The following TTI1 variants were observed in gnomAD, a reference collection of about 807,000 sequenced individuals.
The protein encoded by TTI1 is TELO2-interacting protein 1 homolog.
Under a neutral mutation model 85.4 loss-of-function variants are expected in TTI1, and 52 were observed. The observed-to-expected ratio is 0.61, with a 90% CI of 0.49 to 0.77. TTI1 has a LOEUF of 0.77. TTI1 is among the 30% of genes least tolerant of loss of function. TTI1 has a pLI of 0.00. For missense variants in TTI1, 1,173 were observed against 1,296.0 expected (o/e 0.91, Z 1.46); for synonymous variants, 512 against 503.9 (o/e 1.02, Z -0.22).
chr20:38,001,322 A>T (rs1421872782), intron 4 of TTI1, among the ~76,000 whole-genome samples: 1 of 152,166 alleles, frequency 6.6e-6, no homozygotes, highest in Non-Finnish European at 1.5e-5. Context: ...GAATTAACTT[A>T]CTCAAGGTCA....
chr20:38,030,354 C>T (rs958629612), intron 1 of TTI1, among the ~76,000 whole-genome samples: 2 of 152,020 alleles, frequency 1.3e-5, no homozygotes, highest in East Asian at 1.9e-4. Context: ...CAATTCTGCA[C>T]ATACTCTTCT....
intron 7 of TTI1, among the ~76,000 whole-genome samples, chr20:37,994,611 C>A (rs1407031782): frequency 1.3e-5 from 2 of 152,132 alleles, no homozygotes; most frequent in Non-Finnish European, 2.9e-5. Flanking sequence ...AGGATCAAGA[C>A]TGATTTTTTT....
chr20:38,003,392 A>G (rs2073452971), intron 3 of TTI1, among the ~76,000 whole-genome samples: 1 of 152,270 alleles, frequency 6.6e-6, no homozygotes. Flanking sequence ...GAGGAAGTAC[A>G]GCAAAATATT....
At chr20:38,018,090 T>C (rs1464746506) in intron 1 of TTI1, among the ~76,000 whole-genome samples, 1 of 152,252 alleles carries the variant, frequency 6.6e-6, no homozygotes, top group Non-Finnish European at 1.5e-5. Flanking sequence ...TTTTTAAGCA[T>C]GTGTGGAGGT....
rs1159925988 is a variant in TTI1 at position 38,033,384 on chromosome 20, T to G, written c.-42+20A>C. 1.3e-5 allele frequency: 2 copies of G among 153,770 alleles called. No individual in the cohort carries two copies. The highest frequency in any genetic ancestry group is 3.9e-4 in the East Asian group (2 of 5,166). 9.5% of individuals were successfully genotyped at this position (153,770 alleles called of 1,614,324 possible). A position where few individuals can be genotyped will look rare whatever the true frequency, so the allele number is the denominator to read the frequency against. On this transcript the variant is annotated intron_variant, in intron 1 of 7. Transcript: ENST00000373447. ...TCCCAGCTGCTGGGCTCCCTCTGGT[T>G]CCCGCCACTCTTCCCTTACCTCGTC...
At chr20:38,023,878 A>T (rs192918955) in intron 1 of TTI1, among the ~76,000 whole-genome samples, 1 of 152,322 alleles carries the variant, frequency 6.6e-6, no homozygotes, top group Non-Finnish European at 1.5e-5. Flanking sequence ...TTAACCAGAG[A>T]GGCTAACACT....
chr20:37,996,505 C>T (rs2073340883), intron 6 of TTI1, 43 bp from the exon 7 acceptor site: 1 of 1,604,772 alleles, frequency 6.2e-7, no homozygotes, highest in Admixed American at 1.7e-5. Flanking sequence ...CCTTACACTT[C>T]ATTTGGGACA....
chr20:38,023,942 G>T (rs1203048807), intron 1 of TTI1, among the ~76,000 whole-genome samples: 1 of 152,168 alleles, frequency 6.6e-6, no homozygotes, highest in Non-Finnish European at 1.5e-5. Flanking sequence ...GGGAATCAAG[G>T]AGACTTCCCA....
Position 38,012,610 on chromosome 20 carries a change from A to T in TTI1, c.1207T>A (p.Leu403Met), listed in dbSNP as rs761792123. ...DDQGKFSTLS[L>M]LLGYLKLLGP... ...AAGAGTTTCAGATAACCAAGTAACAAGGAAAGAGTAGAGAATTTGCCCTGG... is the reference window on the plus strand; with the variant it reads ...AAGAGTTTCAGATAACCAAGTAACATGGAAAGAGTAGAGAATTTGCCCTGG... Residue 403 changes from leucine (L) to methionine (M), a missense_variant, in exon 2 of 8, where the codon TTG becomes ATG. By Grantham distance (15) the Leu-to-Met change is conservative (BLOSUM62 2). Coordinates refer to ENST00000373447, the MANE Select transcript of TTI1 (RefSeq NM_001303457.2). The T allele has an allele frequency of 6.2e-7, 1 of 1,614,238 alleles. No individual in the cohort carries two copies. Among genetic ancestry groups the T allele is most frequent in the Non-Finnish European group, 8.5e-7 (1 of 1,180,054 alleles).
rs2073149841 is a variant in TTI1, at chr20:37,983,534, A to C, written c.3192T>G (p.Pro1064=). The change falls in exon 8 of 8, where the codon CCT becomes CCG. Residue 1064 remains proline, a synonymous_variant. Coordinates refer to ENST00000373447, the MANE Select transcript of TTI1 (RefSeq NM_001303457.2). ...GCCCGCTGGCCCCGTGCAGCTGCAC[A>C]GGGTGGAGGCTGGGGTGGGGAGGTG... ...QFTPPHPSLH[P]VQLHGASGQQ... 1.2e-6 allele frequency: 2 copies of C among 1,611,318 alleles called. No homozygotes were observed. The highest frequency in any genetic ancestry group is 1.7e-6 in the Non-Finnish European group (2 of 1,179,252).
At chr20:38,016,538 G>A (rs941531925) in intron 1 of TTI1, among the ~76,000 whole-genome samples, 3 of 152,138 alleles carry the variant, frequency 2.0e-5, no homozygotes, top group Non-Finnish European at 2.9e-5. Context: ...TGACCTCATC[G>A]CTTTCTGCCA....
At chr20:38,030,389 T>A (rs1233066595) in intron 1 of TTI1, among the ~76,000 whole-genome samples, 2 of 151,980 alleles carry the variant, frequency 1.3e-5, no homozygotes. Context: ...CACTTTCCAA[T>A]CCATTTTATA....
In TTI1 at chr20:37,992,156, G is replaced by A. The variant is rs2073273745; in HGVS notation, c.3086+4219C>T. ...GTACACCAGCTGGTCACCACCTGCTGGCACCCTGCATCCCTATCTGGGCTC... is the reference window on the plus strand; with the variant it reads ...GTACACCAGCTGGTCACCACCTGCTAGCACCCTGCATCCCTATCTGGGCTC... On this transcript the variant is annotated intron_variant, in intron 7 of 7. Transcript: ENST00000373447. Among the ~76,000 whole-genome samples the A allele has an allele frequency of 2.0e-5, 3 of 152,326 alleles. No individual in the cohort carries two copies. The South Asian group carries it at 6.2e-4, about 32-fold the overall frequency.
rs772839935 is a variant in TTI1 at position 38,020,310 on chromosome 20, G to GAAAAAA, written c.-41-6459_-41-6454dup. On this transcript the variant is annotated intron_variant, in intron 1 of 7. Coordinates refer to ENST00000373447, the MANE Select transcript of TTI1 (RefSeq NM_001303457.2). ...TGCTATGTCACTTGGCTACTCATAT[G>GAAAAAA]AAAAAAAAAAAAAATATATATATAT... Among the ~76,000 whole-genome samples, 214 of 48,216 alleles carry GAAAAAA rather than the reference G, an allele frequency of 4.4e-3. 9 individuals carry two copies. Among genetic ancestry groups the GAAAAAA allele is most frequent in the South Asian group, 0.011 (10 of 946 alleles). 31.6% of individuals were successfully genotyped at this position (48,216 alleles called of 152,430 possible).
At chr20:38,030,495 A>G (rs989653605) in intron 1 of TTI1, among the ~76,000 whole-genome samples, 1 of 151,322 alleles carries the variant, frequency 6.6e-6, no homozygotes, top group Admixed American at 6.6e-5. Flanking sequence ...CAAAAATCCT[A>G]AAGAAAATAT....
chr20:37,996,928 C>T lies in TTI1; in HGVS notation c.2819G>A (p.Cys940Tyr), dbSNP rs1265428028. 1 of 1,614,056 alleles carries T rather than the reference C, an allele frequency of 6.2e-7. No individual in the cohort carries two copies. The highest frequency in any genetic ancestry group is 8.5e-7 in the Non-Finnish European group (1 of 1,180,002). ...GAACCGGCTGCGAAGAAAGTCACCA[C>T]ACTTGCTTCCCAGGGTACGTAAAAC... ...FKVLRTLGSK[C>Y]GDFLRSRFCK... The change falls in exon 6 of 8, where the codon TGT (cysteine) becomes TAT (tyrosine). Residue 940 changes from cysteine to tyrosine, a missense_variant. Coordinates refer to ENST00000373447, the MANE Select transcript of TTI1 (RefSeq NM_001303457.2).
chr20:37,996,347 A>C (rs1404838054), intron 7 of TTI1, 28 bp downstream of exon 7: 1 of 1,612,268 alleles, frequency 6.2e-7, no homozygotes, highest in South Asian at 1.1e-5. Context: ...ACAAACGTAA[A>C]GGGATGCGGG....
In TTI1 at chr20:38,013,346, T is replaced by C; in HGVS notation, c.471A>G (p.Leu157=). The C allele has an allele frequency of 6.2e-7, 1 of 1,614,054 alleles. No individual in the cohort carries two copies. Among genetic ancestry groups the C allele is most frequent in the Non-Finnish European group, 8.5e-7 (1 of 1,180,024 alleles). ...TCTCCTGTTCTGCAAGGCCTAACAG[T>C]AAAGATACAGCAAATCCTAAACGTG... ...ILPRLGFAVS[L]LLGLAEQEKS... is the part of the protein sequence containing the mutation. Residue 157 remains leucine, a synonymous_variant, in exon 2 of 8, where the codon TTA becomes TTG. Coordinates refer to ENST00000373447, the MANE Select transcript of TTI1 (RefSeq NM_001303457.2).
At position 37,996,441 on chromosome 20, in the gene TTI1, A is replaced by G; in HGVS notation, c.3020T>C (p.Val1007Ala). 6.2e-7 allele frequency: 1 copy of G among 1,614,026 alleles called. No homozygotes were observed. Among genetic ancestry groups the G allele is most frequent in the African/African-American group, 1.3e-5 (1 of 75,032 alleles). The part of the protein sequence containing the change: ...LDLGEGDLNK[V>A]ADACLIYLSV... ...GAGGTAAATCAAGCAGGCATCAGCC[A>G]CTTTATTCAGGTCACCCTCACCTGC... The change falls in exon 7 of 8, where the codon GTG becomes GCG. Residue 1007 changes from valine (V) to alanine (A), a missense_variant. Val to Ala is a moderately conservative substitution (Grantham distance 64). Coordinates refer to ENST00000373447, the MANE Select transcript of TTI1 (RefSeq NM_001303457.2).
Sources: gnomAD v4.1 joint callset for allele counts (sites outside exome capture counted in the v4.1 genomes callset) on GRCh38, gnomAD v4.1.1 for gene constraint, MANE v1.5 for transcripts, NCBI Gene and HGNC (gene_info 2026-07-23, HGNC 2026-07-21) for gene names.